The following SIDT1 variants were observed in gnomAD, a reference collection of about 807,000 sequenced individuals.
The protein encoded by SIDT1 is SID1 transmembrane family, member 1.
In SIDT1, 101 loss-of-function variants were observed where a neutral mutation model predicts 107.5. The observed-to-expected ratio is 0.94, with a 90% CI of 0.80 to 1.11. The LOEUF is 1.11. Ranked by LOEUF, SIDT1 falls within the 50% of genes least tolerant of loss-of-function variation. The pLI is 0.00. For synonymous variants in SIDT1, 395 were observed against 398.2 expected (o/e 0.99, Z 0.10); for missense variants, 1,076 against 1,058.2 (o/e 1.02, Z -0.23).
intron 1 of SIDT1, among the ~76,000 whole-genome samples, chr3:113,557,096 A>G (rs1244644423): frequency 6.6e-6 from 1 of 152,098 alleles, no homozygotes; most frequent in Non-Finnish European, 1.5e-5. Flanking sequence ...GCGTGAGCCA[A>G]GGCGCCCGTA....
At chr3:113,535,763 C>A (rs1938081049) in intron 1 of SIDT1, among the ~76,000 whole-genome samples, 1 of 152,150 alleles carries the variant, frequency 6.6e-6, no homozygotes, top group Non-Finnish European at 1.5e-5. Context: ...CTTCTGGGAC[C>A]AATCTTTAAT....
intron 1 of SIDT1, among the ~76,000 whole-genome samples, 164 bp from the exon 2 acceptor site, chr3:113,566,256 A>C (rs564140087): frequency 6.6e-6 from 1 of 152,272 alleles, no homozygotes; most frequent in East Asian, 1.9e-4. Flanking sequence ...CATTTGGATT[A>C]CCTATCATGA....
intron 19 of SIDT1, chr3:113,612,490 T>C (rs1945827876): frequency 2.0e-6 from 1 of 491,024 alleles, no homozygotes. Flanking sequence ...TGCCAAACTT[T>C]GACTTGTATT....
chr3:113,608,315 T>C (rs1452070797), intron 16 of SIDT1, 98 bp downstream of exon 16: 2 of 1,526,862 alleles, frequency 1.3e-6, no homozygotes, highest in African/African-American at 2.8e-5. Flanking sequence ...TGATTTATTA[T>C]GTGTAATAAA....
Position 113,626,132 on chromosome 3 carries a change from C to T in SIDT1, c.2338C>T (p.Arg780Cys), listed in dbSNP as rs760945452. 1.9e-5 allele frequency: 30 copies of T among 1,613,954 alleles called. No homozygotes were observed. The highest frequency in any genetic ancestry group is 2.4e-5 in the Non-Finnish European group (28 of 1,179,954). ...TCCGGCCGAATCCCGGGAGAAGAAC[C>T]GCGAGTGCATTCTGCTGGATTTCTT... The part of the protein sequence containing the change: ...GTPAESREKN[R>C]ECILLDFFDD... The change falls in exon 24 of 25, where the codon CGC (arginine) becomes TGC (cysteine). Residue 780 changes from arginine (R) to cysteine (C), a missense_variant. Coordinates refer to ENST00000264852, the MANE Select transcript of SIDT1 (RefSeq NM_017699.3).
intron 1 of SIDT1, among the ~76,000 whole-genome samples, chr3:113,555,031 A>T (rs1386207755): frequency 6.6e-6 from 1 of 152,188 alleles, no homozygotes; most frequent in South Asian, 2.1e-4. Context: ...TAAAGTCCCA[A>T]CTGCCCCAAC....
Position 113,612,199 on chromosome 3 carries a change from G to C in SIDT1, c.1966+5G>C. ...ATATGGGTCGTTTCAAGATAGGTGA[G>C]TCACCTGTTAATTCTATACTAATCA... is the stretch of plus-strand genomic sequence containing the variant. On this transcript the variant is annotated splice_donor_5th_base_variant and intron_variant, in intron 19 of 24. Transcript: ENST00000264852. 1 of 1,581,292 alleles carries C rather than the reference G, an allele frequency of 6.3e-7. No individual in the cohort carries two copies. The highest frequency in any genetic ancestry group is 1.3e-5 in the African/African-American group (1 of 74,344).
chr3:113,614,434 G>C (rs1329750667), intron 19 of SIDT1, among the ~76,000 whole-genome samples: 1 of 152,170 alleles, frequency 6.6e-6, no homozygotes, highest in Admixed American at 6.5e-5. Flanking sequence ...GTCTTCCCCA[G>C]GTGGTTACAG....
chr3:113,576,524 C>G (rs1942913967), intron 3 of SIDT1, among the ~76,000 whole-genome samples: 1 of 152,122 alleles, frequency 6.6e-6, no homozygotes, highest in African/African-American at 2.4e-5. Context: ...TCTACATTAT[C>G]CAAAAGGACC....
At chr3:113,543,383 A>G (rs1405879320) in intron 1 of SIDT1, among the ~76,000 whole-genome samples, 2 of 152,146 alleles carry the variant, frequency 1.3e-5, no homozygotes, top group African/African-American at 4.8e-5. Context: ...TTGGCCCTGC[A>G]GTCTTCTCAC....
At chr3:113,583,687 A>T (rs776180406) in intron 7 of SIDT1, among the ~76,000 whole-genome samples, 191 bp downstream of exon 7, 6 of 152,254 alleles carry the variant, frequency 3.9e-5, no homozygotes, top group Non-Finnish European at 5.9e-5. Flanking sequence ...GGTATTATCG[A>T]TACTACAAAA....
At chr3:113,598,515 A>G (rs947222175) in intron 10 of SIDT1, among the ~76,000 whole-genome samples, 4 of 152,208 alleles carry the variant, frequency 2.6e-5, no homozygotes, top group African/African-American at 9.6e-5. Flanking sequence ...TGCACGTAAC[A>G]TCAAAACATC....
chr3:113,545,620 C>A (rs1939502326), intron 1 of SIDT1, among the ~76,000 whole-genome samples: 1 of 152,244 alleles, frequency 6.6e-6, no homozygotes, highest in African/African-American at 2.4e-5. Flanking sequence ...GTCATCCAGT[C>A]ATCTTGCCTG....
chr3:113,575,380 G>T (rs116418158), intron 3 of SIDT1, among the ~76,000 whole-genome samples: 1,936 of 152,292 alleles, frequency 0.013, 45 homozygotes, highest in African/African-American at 0.045. Context: ...TGTTGCCCTG[G>T]TAACACCGGG....
chr3:113,536,581 G>A (rs1302833004), intron 1 of SIDT1, among the ~76,000 whole-genome samples: 1 of 152,178 alleles, frequency 6.6e-6, no homozygotes, highest in Non-Finnish European at 1.5e-5. Context: ...GCTGTTGTGG[G>A]AGCCATTGCT....
intron 1 of SIDT1, among the ~76,000 whole-genome samples, chr3:113,546,043 C>G (rs1177906021): frequency 6.6e-6 from 1 of 152,128 alleles, no homozygotes; most frequent in Non-Finnish European, 1.5e-5. Context: ...GCAAGGAAAA[C>G]AAACAACTAA....
In SIDT1 at chr3:113,624,802, T is replaced by C. The variant is rs1200762503; in HGVS notation, c.2307+1069T>C. Among the ~76,000 whole-genome samples, 6 of 152,230 alleles carry C rather than the reference T, an allele frequency of 3.9e-5. No individual in the cohort carries two copies. In the East Asian group the frequency reaches 9.6e-4, roughly 24 times the overall value. On this transcript the variant is annotated intron_variant, in intron 23 of 24. Coordinates refer to ENST00000264852, the MANE Select transcript of SIDT1 (RefSeq NM_017699.3). Reference sequence around the variant, plus strand: ...AGAACATGCAATATTTGTCATTTTGTGCTTCACTTATTTCACTTAACATAA... The same window carrying C: ...AGAACATGCAATATTTGTCATTTTGCGCTTCACTTATTTCACTTAACATAA...
intron 21 of SIDT1, among the ~76,000 whole-genome samples, chr3:113,621,591 A>T (rs149223079): frequency 6.6e-5 from 10 of 152,366 alleles, no homozygotes; most frequent in African/African-American, 2.4e-4. Context: ...TCTTATTAGA[A>T]GCCATAAGGA....
At chr3:113,605,122 C>T (rs1402274918) in intron 14 of SIDT1, 146 bp downstream of exon 14, 3 of 306,986 alleles carry the variant, frequency 9.8e-6, no homozygotes, top group Admixed American at 7.0e-5. Flanking sequence ...CTATTGCTTC[C>T]TCTTTTTTTT....
Sources: gnomAD v4.1 joint callset for allele counts (sites outside exome capture counted in the v4.1 genomes callset) on GRCh38, gnomAD v4.1.1 for gene constraint, MANE v1.5 for transcripts, NCBI Gene and HGNC (gene_info 2026-07-23, HGNC 2026-07-21) for gene names.